The following TENM1 variants were observed in gnomAD, a reference collection of about 807,000 sequenced individuals.
TENM1 encodes the protein teneurin-1.
A neutral mutation model predicts 174.8 loss-of-function variants in TENM1; 35 were observed. The observed-to-expected ratio is 0.20, with a 90% CI of 0.15 to 0.27. The LOEUF (loss-of-function observed/expected upper bound fraction) is 0.27, where lower values mean the gene tolerates loss of function less well. Among genes scored for constraint, TENM1 ranks in the 10% least tolerant of loss-of-function variants. The pLI, the probability that TENM1 is intolerant of heterozygous loss-of-function variation, is 1.00. For synonymous variants in TENM1, 781 were observed against 798.7 expected (o/e 0.98, Z 0.37); for missense variants, 1,633 against 2,130.1 (o/e 0.77, Z 4.59).
chrX:124,698,095 T>G (rs73545931), intron 5 of TENM1, among the ~76,000 whole-genome samples: 2,481 of 111,570 alleles, frequency 0.022, 32 homozygotes, highest in African/African-American at 0.041. Context: ...TGTTTCTTCA[T>G]AGTCTGCTTA....
At chrX:125,002,497 G>C in the TENM1 span, among the ~76,000 whole-genome samples, 1 of 110,518 alleles carries the variant, frequency 9.0e-6, no homozygotes, top group African/African-American at 3.3e-5. Context: ...AGTTATCTAG[G>C]GTCGTTTCCT....
At chrX:125,052,815 G>A in the TENM1 span, among the ~76,000 whole-genome samples, 4 of 112,192 alleles carry the variant, frequency 3.6e-5, no homozygotes, top group South Asian at 1.5e-3. Context: ...AACAGAAAAC[G>A]GAAGTAGTGA....
At chrX:124,757,137 T>G (rs910979138) in intron 3 of TENM1, among the ~76,000 whole-genome samples, 8 of 112,624 alleles carry the variant, frequency 7.1e-5, no homozygotes, top group South Asian at 3.7e-4. Flanking sequence ...GAGCTGTGGT[T>G]GGCTCCACCC....
chrX:124,707,954 A>G (rs2052951327), intron 4 of TENM1, among the ~76,000 whole-genome samples: 1 of 112,535 alleles, frequency 8.9e-6, no homozygotes. Flanking sequence ...CCAGCATCAC[A>G]TAGTGTTGTT....
chrX:124,398,158 A>G (rs1431056225), intron 27 of TENM1, among the ~76,000 whole-genome samples: 3 of 108,613 alleles, frequency 2.8e-5, no homozygotes, highest in Admixed American at 9.8e-5. Context: ...AACAGAGGAG[A>G]CGGAGCTTGC....
At chrX:124,852,500 A>C (rs2056739575) in intron 3 of TENM1, among the ~76,000 whole-genome samples, 1 of 111,285 alleles carries the variant, frequency 9.0e-6, no homozygotes, top group Non-Finnish European at 1.9e-5. Context: ...AGAATAAATA[A>C]AAAAATGTAT....
chrX:124,614,323 A>G (rs2050345763), intron 11 of TENM1, among the ~76,000 whole-genome samples: 1 of 112,152 alleles, frequency 8.9e-6, no homozygotes, highest in Admixed American at 9.4e-5. Context: ...ATATCCCCCT[A>G]TATGAAATCT....
intron 3 of TENM1, among the ~76,000 whole-genome samples, chrX:124,753,707 G>A (rs1424170970): frequency 9.0e-6 from 1 of 111,674 alleles, no homozygotes; most frequent in Non-Finnish European, 1.9e-5. Flanking sequence ...AAGGGTTGTT[G>A]AATTTTGTCA....
chrX:124,909,365 A>G (rs1179758046), intron 1 of TENM1, among the ~76,000 whole-genome samples: 1 of 111,247 alleles, frequency 9.0e-6, no homozygotes, highest in Non-Finnish European at 1.9e-5. Context: ...GGATGCTAGA[A>G]CTTCCTGCTT....
At chrX:124,890,463 A>C (rs1185848547) in intron 3 of TENM1, among the ~76,000 whole-genome samples, 1 of 112,463 alleles carries the variant, frequency 8.9e-6, no homozygotes, top group African/African-American at 3.2e-5. Context: ...ATGTATAAGA[A>C]GCTCAAACAA....
chrX:124,960,130 A>C (rs2058632631), intron 1 of TENM1, among the ~76,000 whole-genome samples: 1 of 111,862 alleles, frequency 8.9e-6, no homozygotes, highest in Non-Finnish European at 1.9e-5. Flanking sequence ...AAACTCCTAA[A>C]TTGGGCATGC....
intron 25 of TENM1, among the ~76,000 whole-genome samples, chrX:124,417,819 T>A (rs1371056424): frequency 8.9e-6 from 1 of 111,978 alleles, no homozygotes; most frequent in Non-Finnish European, 1.9e-5. Context: ...CTTCCCCTCT[T>A]GGTAAATGAA....
chrX:125,032,173 A>T, the TENM1 span, among the ~76,000 whole-genome samples: 4 of 101,113 alleles, frequency 4.0e-5, no homozygotes, highest in East Asian at 3.1e-4. Flanking sequence ...TTTTTAAATC[A>T]TTTTTTTTTT....
intron 15 of TENM1, among the ~76,000 whole-genome samples, chrX:124,544,206 G>A (rs2048382286): frequency 8.9e-6 from 1 of 112,574 alleles, no homozygotes; most frequent in Non-Finnish European, 1.9e-5. Flanking sequence ...CCTACAGTCC[G>A]AGATGTATAA....
At chrX:124,975,144 C>T in the TENM1 span, among the ~76,000 whole-genome samples, 2 of 108,923 alleles carry the variant, frequency 1.8e-5, no homozygotes, top group East Asian at 2.9e-4. Flanking sequence ...TTTGGAACTC[C>T]AGCACCTTCT....
the TENM1 span, among the ~76,000 whole-genome samples, chrX:125,079,647 G>A: frequency 2.7e-5 from 3 of 111,464 alleles, no homozygotes; most frequent in Admixed American, 9.5e-5. Context: ...TCTTGACTAC[G>A]TTATTTCTCC....
intron 11 of TENM1, among the ~76,000 whole-genome samples, chrX:124,624,682 T>A (rs1371837623): frequency 8.9e-6 from 1 of 111,896 alleles, no homozygotes; most frequent in Non-Finnish European, 1.9e-5. Context: ...GGTAGGTCAA[T>A]AAATCTAATG....
chrX:125,135,889 A>C, the TENM1 span, among the ~76,000 whole-genome samples: 1 of 111,863 alleles, frequency 8.9e-6, no homozygotes, highest in Non-Finnish European at 1.9e-5. Flanking sequence ...CAAATCTGAA[A>C]ATGAATTCTT....
At chrX:125,198,596 C>T in the TENM1 span, among the ~76,000 whole-genome samples, 1 of 111,521 alleles carries the variant, frequency 9.0e-6, no homozygotes, top group Non-Finnish European at 1.9e-5. Flanking sequence ...ACAGAGATGG[C>T]ACTGATTTTT....
Sources: gnomAD v4.1 joint callset for allele counts (sites outside exome capture counted in the v4.1 genomes callset) on GRCh38, gnomAD v4.1.1 for gene constraint, MANE v1.5 for transcripts, NCBI Gene and HGNC (gene_info 2026-07-23, HGNC 2026-07-21) for gene names.